MACROD2: variants seen among roughly 807,000 people sequenced by gnomAD.
MACROD2 encodes mono-ADP ribosylhydrolase 2, also known as ADP-ribose glycohydrolase MACROD2.
MACROD2 carries 36 observed loss-of-function variants against 70.4 expected under a neutral mutation model. The observed-to-expected ratio is 0.51, with a 90% CI of 0.39 to 0.68. MACROD2 has a LOEUF of 0.68. MACROD2 is among the 30% of genes least tolerant of loss of function. The pLI, the probability that MACROD2 is intolerant of heterozygous loss-of-function variation, is 0.00. For synonymous variants in MACROD2, 172 were observed against 178.8 expected, an observed-to-expected ratio of 0.96 and a Z score of 0.30; for missense variants, 496 against 538.4, an observed-to-expected ratio of 0.92 and a Z score of 0.78.
intron 8 of MACROD2, among the ~76,000 whole-genome samples, chr20:15,703,905 A>G (rs1246831280): frequency 6.6e-6 from 1 of 152,188 alleles, no homozygotes; most frequent in Admixed American, 6.5e-5. Flanking sequence ...TAAATTTTTA[A>G]AATTTACTTT....
chr20:16,035,193 A>T (rs75809343), intron 15 of MACROD2, among the ~76,000 whole-genome samples: 94,455 of 120,750 alleles, frequency 0.78, 36,860 homozygotes, highest in Non-Finnish European at 0.84. Flanking sequence ...TTATATATAA[A>T]ATATAATATA....
At chr20:15,869,238 T>TATATATATAGAGAGAG in intron 9 of MACROD2, among the ~76,000 whole-genome samples, 288 of 28,258 alleles carry the variant, frequency 0.01, 8 homozygotes, top group Non-Finnish European at 0.013. Context: ...TATATATATA[T>TATATATATAGAGAGAG]AGAGAGAGAG....
rs150850562 is a variant in MACROD2, at chr20:14,839,976, G to A, written c.418+155017G>A. 4.1e-3 allele frequency among the ~76,000 whole-genome samples: 618 copies of A among 150,944 alleles called. 5 individuals are homozygous for A. Among genetic ancestry groups the A allele is most frequent in the African/African-American group, 0.014 (593 of 41,150 alleles). ...TCTTCCTTTGTTCTCAGGGATGTTT[G>A]TTACTCATCCTTCTACTTGCAGCTA... On this transcript the variant is annotated intron_variant, in intron 5 of 17. Transcript: ENST00000684519.
At chr20:15,227,515 C>T (rs564110289) in intron 5 of MACROD2, among the ~76,000 whole-genome samples, 6 of 152,174 alleles carry the variant, frequency 3.9e-5, no homozygotes, top group South Asian at 2.1e-4. Flanking sequence ...GGTCATGTCC[C>T]GTTGTTCTTT....
At chr20:15,465,434 G>A (rs973993916) in intron 7 of MACROD2, among the ~76,000 whole-genome samples, 5 of 152,366 alleles carry the variant, frequency 3.3e-5, no homozygotes, top group South Asian at 2.1e-4. Context: ...GAGCTTTCAG[G>A]TGTCCTGGCT....
At chr20:14,759,859 A>G (rs1045160071) in intron 5 of MACROD2, among the ~76,000 whole-genome samples, 3 of 152,092 alleles carry the variant, frequency 2.0e-5, no homozygotes, top group Non-Finnish European at 4.4e-5. Context: ...TTATAAATAT[A>G]TCATTAATGG....
intron 8 of MACROD2, among the ~76,000 whole-genome samples, chr20:15,718,093 GC>G (rs1438030102): frequency 6.6e-6 from 1 of 150,546 alleles, no homozygotes; most frequent in African/African-American, 2.5e-5. Flanking sequence ...CGAATTTCCG[GC>G]CCCCAGGTTC....
At chr20:14,118,119 T>C (rs2054537870) in intron 3 of MACROD2, among the ~76,000 whole-genome samples, 1 of 152,222 alleles carries the variant, frequency 6.6e-6, no homozygotes, top group African/African-American at 2.4e-5. Flanking sequence ...CAATTTGTTA[T>C]ACAGCAATAA....
chr20:14,294,331 T>C (rs766412687), intron 3 of MACROD2, among the ~76,000 whole-genome samples: 23 of 150,778 alleles, frequency 1.5e-4, no homozygotes, highest in Non-Finnish European at 2.8e-4. Flanking sequence ...GATGAATAGT[T>C]TGTAGAATGA....
intron 5 of MACROD2, among the ~76,000 whole-genome samples, chr20:14,963,539 T>C (rs2074603355): frequency 6.6e-6 from 1 of 152,130 alleles, no homozygotes; most frequent in African/African-American, 2.4e-5. Flanking sequence ...GCCACTTGTG[T>C]TGTGCTGAAA....
chr20:14,037,612 C>T (rs147999840), intron 2 of MACROD2, among the ~76,000 whole-genome samples: 1 of 151,298 alleles, frequency 6.6e-6, no homozygotes, highest in South Asian at 2.1e-4. Context: ...TGTCGCTAAT[C>T]TATGTGAACA....
chr20:14,509,437 A>G (rs2085005173), intron 4 of MACROD2, among the ~76,000 whole-genome samples: 1 of 152,082 alleles, frequency 6.6e-6, no homozygotes, highest in Admixed American at 6.5e-5. Context: ...TCCTTGCCCA[A>G]TAGAAGTTCA....
chr20:15,508,780 G>A (rs969588298), intron 8 of MACROD2, among the ~76,000 whole-genome samples: 2 of 152,164 alleles, frequency 1.3e-5, no homozygotes, highest in Non-Finnish European at 2.9e-5. Flanking sequence ...CCTGAGGGAT[G>A]TGGAGCACAG....
intron 8 of MACROD2, among the ~76,000 whole-genome samples, chr20:15,716,790 A>C (rs891511547): frequency 1.3e-5 from 2 of 152,160 alleles, no homozygotes; most frequent in African/African-American, 4.8e-5. Context: ...AACAGGCCCT[A>C]AGTGAAAAGG....
At chr20:14,474,029 C>T (rs1379196257) in intron 3 of MACROD2, among the ~76,000 whole-genome samples, 1 of 151,358 alleles carries the variant, frequency 6.6e-6, no homozygotes, top group South Asian at 2.1e-4. Flanking sequence ...CTTTTTTTTG[C>T]TTTGGAGCTG....
At chr20:14,810,245 T>G (rs2072692795) in intron 5 of MACROD2, among the ~76,000 whole-genome samples, 1 of 152,024 alleles carries the variant, frequency 6.6e-6, no homozygotes, top group Admixed American at 6.6e-5. Flanking sequence ...TCCACCATGA[T>G]CAAGTCGGCT....
intron 3 of MACROD2, among the ~76,000 whole-genome samples, chr20:14,151,453 C>A (rs1285077339): frequency 6.6e-6 from 1 of 152,006 alleles, no homozygotes; most frequent in Non-Finnish European, 1.5e-5. Flanking sequence ...CTATGAGACC[C>A]AGGTAAGAAT....
intron 5 of MACROD2, among the ~76,000 whole-genome samples, chr20:15,108,695 C>G (rs1197198916): frequency 6.6e-6 from 1 of 152,062 alleles, no homozygotes; most frequent in Non-Finnish European, 1.5e-5. Context: ...TTATTTTGAA[C>G]CAGAGAATTT....
At chr20:14,499,127 A>G (rs1409216034) in intron 4 of MACROD2, among the ~76,000 whole-genome samples, 1 of 152,198 alleles carries the variant, frequency 6.6e-6, no homozygotes, top group Non-Finnish European at 1.5e-5. Context: ...TTCAGTCCTG[A>G]GAGAGCAGCA....
Sources: allele counts gnomAD v4.1 joint callset (sites outside exome capture counted in the v4.1 genomes callset), GRCh38; gene constraint gnomAD v4.1.1; transcripts MANE v1.5; gene names NCBI Gene and HGNC (gene_info 2026-07-23, HGNC 2026-07-21).